PLPP2: variants seen among roughly 807,000 people sequenced by gnomAD.
PLPP2 encodes the protein PAP2-gamma.
PLPP2 carries 29 observed loss-of-function variants against 35.2 expected under a neutral mutation model. The observed-to-expected ratio is 0.82, with a 90% CI of 0.61 to 1.12. The LOEUF is 1.12. PLPP2 is among the 50% of genes most tolerant of loss of function. The pLI is 0.00. For synonymous variants in PLPP2, 162 were observed against 167.0 expected, an observed-to-expected ratio of 0.97 and a Z score of 0.23; for missense variants, 353 against 375.2, an observed-to-expected ratio of 0.94 and a Z score of 0.49.
At chr19:290,892 G>A in intron 1 of PLPP2, 2 of 1,189,568 alleles carry the variant, frequency 1.7e-6, no homozygotes, top group Non-Finnish European at 1.1e-6. Flanking sequence ...GGGCGGAGGC[G>A]CGGACGTCCT....
chr19:291,201 C>CGT (rs1409270007), intron 1 of PLPP2, 84 bp downstream of exon 1: 11 of 1,585,630 alleles, frequency 6.9e-6, no homozygotes, highest in Non-Finnish European at 9.4e-6. Context: ...GCAGCCTCCG[C>CGT]GTTCCCCTGC....
chr19:282,913 G>A, intron 3 of PLPP2, 104 bp from the exon 4 acceptor site: 1 of 989,588 alleles, frequency 1.0e-6, no homozygotes, highest in Non-Finnish European at 1.6e-6. Flanking sequence ...GGCTGCTGCT[G>A]TTAGATGCAC....
chr19:291,055 C>CG, intron 1 of PLPP2: 1 of 1,294,272 alleles, frequency 7.7e-7, no homozygotes, highest in Non-Finnish European at 9.8e-7. Flanking sequence ...CCGGGCCTCT[C>CG]GCGACCCCCA....
At chr19:290,841 G>T (rs116026115) in intron 1 of PLPP2, 43,270 of 935,292 alleles carry the variant, frequency 0.046, 1,266 homozygotes, top group African/African-American at 0.11. Flanking sequence ...CCAGGACCGA[G>T]GGTCAGCCCT....
rs530218496 is a variant in PLPP2, at chr19:290,894, G to A, written c.52+391C>T. The A allele has an allele frequency of 2.1e-4, 255 of 1,196,978 alleles. 3 individuals carry two copies. The East Asian group carries it at 8.0e-3, about 37-fold the overall frequency. The allele number at this position is 1,196,978 out of a possible 1,614,324, so 74.1% of individuals were successfully genotyped here. A position where few individuals can be genotyped will look rare whatever the true frequency, so the allele number is the denominator to read the frequency against. Reference sequence around the variant, plus strand: ...GCGCCCACCCCAGGGGCGGAGGCGCGGACGTCCTGCCGGGGTAACCCGCGG... The same window carrying A: ...GCGCCCACCCCAGGGGCGGAGGCGCAGACGTCCTGCCGGGGTAACCCGCGG... On this transcript the variant is annotated intron_variant, in intron 1 of 5. Transcript: ENST00000434325.
chr19:283,476 C>T (rs1970217543), intron 3 of PLPP2: 2 of 152,304 alleles, frequency 1.3e-5, no homozygotes. Flanking sequence ...CCTGACTGGA[C>T]ATTCTCCCAG....
At position 287,799 on chromosome 19, in the gene PLPP2, G is replaced by T. The variant is rs372185730; in HGVS notation, c.205-48C>A. On this transcript the variant is annotated intron_variant, in intron 2 of 5. Transcript: ENST00000434325. The surrounding 1 kb of genome is among the most constrained non-coding windows in gnomAD (Gnocchi z 4.3). Reference sequence around the variant, plus strand: ...CAGTGGGGGTCTCGGTCGGCCCAGGGGCCCTCACTCCTCCGCACGGGCCTC... The same window carrying T: ...CAGTGGGGGTCTCGGTCGGCCCAGGTGCCCTCACTCCTCCGCACGGGCCTC... 2 of 1,604,944 alleles carry T rather than the reference G, an allele frequency of 1.2e-6. No individual in the cohort carries two copies. Among genetic ancestry groups the T allele is most frequent in the East Asian group, 2.2e-5 (1 of 44,716 alleles).
At chr19:288,330 C>A in intron 1 of PLPP2, 159 bp from the exon 2 acceptor site, 2 of 514,350 alleles carry the variant, frequency 3.9e-6, no homozygotes, top group Non-Finnish European at 5.9e-6. Flanking sequence ...CCTTTCGCAT[C>A]CCCTCAGACA....
rs375095686 is a variant in PLPP2 at position 282,839 on chromosome 19, C to T, written c.483-30G>A. The T allele has an allele frequency of 7.8e-5, 126 of 1,606,182 alleles. No individual in the cohort carries two copies. In the African/African-American group the frequency reaches 1.5e-3, roughly 19 times the overall value. On this transcript the variant is annotated intron_variant, in intron 3 of 5. Coordinates refer to ENST00000434325, the MANE Select transcript of PLPP2 (RefSeq NM_003712.4). Reference sequence around the variant, plus strand: ...GGAAGGAGAAGGGGCAGGTGGCTCACTCAGCGCCTTCCAACCTCCCCCTTG... The same window carrying T: ...GGAAGGAGAAGGGGCAGGTGGCTCATTCAGCGCCTTCCAACCTCCCCCTTG...
chr19:290,986 G>C (rs1465730737), intron 1 of PLPP2: 3 of 1,249,700 alleles, frequency 2.4e-6, no homozygotes, highest in African/African-American at 3.1e-5. Flanking sequence ...GGAGGCGCGC[G>C]CGCGGCCCCT....
chr19:290,280 T>A (rs749629785), intron 1 of PLPP2, among the ~76,000 whole-genome samples: 1 of 152,154 alleles, frequency 6.6e-6, no homozygotes, highest in African/African-American at 2.4e-5. Flanking sequence ...ACTCAGCACC[T>A]CCCTCACAGG....
chr19:285,709 T>C (rs1282213842), intron 3 of PLPP2: 1 of 151,130 alleles, frequency 6.6e-6, no homozygotes, highest in Non-Finnish European at 1.5e-5. Context: ...ACGCCTGTAA[T>C]CCCAGCACTT....
chr19:291,338 G>A lies in PLPP2; in HGVS notation c.-2C>T. ...CACGAAGACCCACCTCCGCTGCATG[G>A]TCCCCGCGACCCCCGACGCCGGTCC... On this transcript the variant is annotated 5_prime_UTR_variant, in exon 1 of 6. Coordinates refer to ENST00000434325, the MANE Select transcript of PLPP2 (RefSeq NM_003712.4). The A allele has an allele frequency of 6.3e-7, 1 of 1,591,206 alleles. No individual in the cohort carries two copies. The highest frequency in any genetic ancestry group is 8.5e-7 in the Non-Finnish European group (1 of 1,170,980).
rs780283544 is a variant in PLPP2, at chr19:287,569, G to A, written c.387C>T (p.Ala129=). The part of the protein sequence containing the change: ...MIGRLRPNFL[A]VCDPDWSRVN... ...CCCGGCTCCAGTCGGGGTCGCAGACGGCTAGGAAGTTGGGCCTCAGACGCC... is the reference window on the plus strand; with the variant it reads ...CCCGGCTCCAGTCGGGGTCGCAGACAGCTAGGAAGTTGGGCCTCAGACGCC... Residue 129 remains alanine (A), a synonymous_variant, in exon 3 of 6, where the codon GCC becomes GCT. Transcript: ENST00000434325. The surrounding 1 kb of genome is among the most constrained non-coding windows in gnomAD (Gnocchi z 4.3). The A allele has an allele frequency of 4.6e-5, 74 of 1,613,706 alleles. No homozygotes were observed. Among genetic ancestry groups the A allele is most frequent in the African/African-American group, 1.5e-4 (11 of 74,936 alleles).
At chr19:290,013 G>A (rs779835108) in intron 1 of PLPP2, among the ~76,000 whole-genome samples, 16 of 152,256 alleles carry the variant, frequency 1.1e-4, no homozygotes, top group African/African-American at 1.7e-4. Flanking sequence ...GACAGGCGCC[G>A]GGCTTCCCTC....
rs749465260 is a variant in PLPP2 at position 287,583 on chromosome 19, G to A, written c.373C>T (p.Pro125Ser). ...GGGTCGCAGACGGCTAGGAAGTTGG[G>A]CCTCAGACGCCCAATCATGTACTTG... ...LAKYMIGRLRPNFLAVCDPDW... is the reference protein window; with the variant it reads ...LAKYMIGRLRSNFLAVCDPDW... Residue 125 changes from proline (P) to serine (S), a missense_variant, in exon 3 of 6, where the codon CCC becomes TCC. Coordinates refer to ENST00000434325, the MANE Select transcript of PLPP2 (RefSeq NM_003712.4). The surrounding 1 kb of genome is among the most constrained non-coding windows in gnomAD (Gnocchi z 4.3). 6.2e-7 allele frequency: 1 copy of A among 1,613,856 alleles called. No individual in the cohort carries two copies. Among genetic ancestry groups the A allele is most frequent in the Non-Finnish European group, 8.5e-7 (1 of 1,180,032 alleles).
rs570517928 is a variant in PLPP2 at position 287,942 on chromosome 19, C to A, written c.204+78G>T. Reference sequence around the variant, plus strand: ...GACCTCCAGGGCAGGGCTGTGCCACCCCCCCATCAGGCCCCCAGGGTAAAG... The same window carrying A: ...GACCTCCAGGGCAGGGCTGTGCCACACCCCCATCAGGCCCCCAGGGTAAAG... On this transcript the variant is annotated intron_variant, in intron 2 of 5. Coordinates refer to ENST00000434325, the MANE Select transcript of PLPP2 (RefSeq NM_003712.4). This position sits in a 1 kb window ranked among gnomAD's most constrained non-coding sequence, Gnocchi z 4.3. The A allele has an allele frequency of 1.5e-5, 23 of 1,549,442 alleles. No homozygotes were observed. The highest frequency in any genetic ancestry group is 1.8e-5 in the Admixed American group (1 of 55,764).
chr19:290,083 G>A (rs887829175), intron 1 of PLPP2, among the ~76,000 whole-genome samples: 6 of 152,044 alleles, frequency 3.9e-5, no homozygotes, highest in African/African-American at 9.7e-5. Flanking sequence ...TTTAGCCCCC[G>A]GGAGCCCTCC....
At position 282,325 on chromosome 19, in the gene PLPP2, G is replaced by A; in HGVS notation, c.541-15C>T. ...TGCACATACAGCTGGAGTGGGGAGA[G>A]GACGTGTTAGCCTGTGCACCTGCCA... On this transcript the variant is annotated splice_polypyrimidine_tract_variant and intron_variant, in intron 4 of 5. Transcript: ENST00000434325. 6.2e-7 allele frequency: 1 copy of A among 1,611,008 alleles called. No individual in the cohort carries two copies. Among genetic ancestry groups the A allele is most frequent in the Non-Finnish European group, 8.5e-7 (1 of 1,179,118 alleles).
Sources: gnomAD v4.1 joint callset for allele counts (sites outside exome capture counted in the v4.1 genomes callset) on GRCh38, gnomAD v4.1.1 for gene constraint, Gnocchi (gnomAD v3.1) non-coding constraint, MANE v1.5 for transcripts, NCBI Gene and HGNC (gene_info 2026-07-23, HGNC 2026-07-21) for gene names.